NR2E1: variants seen among roughly 807,000 people sequenced by gnomAD.
NR2E1 encodes nuclear receptor subfamily 2 group E member 1, also known as nuclear receptor TLX.
NR2E1 carries 5 observed loss-of-function variants against 43.6 expected under a neutral mutation model. The ratio of observed to expected loss-of-function variants is 0.11; its 90% confidence interval spans 0.06 to 0.24. NR2E1 has a LOEUF of 0.24. Among genes scored for constraint, NR2E1 ranks in the 10% least tolerant of loss-of-function variants. The pLI, the probability that NR2E1 is intolerant of heterozygous loss-of-function variation, is 1.00. For synonymous variants in NR2E1, 191 were observed against 195.5 expected (o/e 0.98, Z 0.19); for missense variants, 287 against 496.7 (o/e 0.58, Z 4.01).
rs541723756 is a variant in NR2E1 at position 108,188,083 on chromosome 6, C to G, written c.*620C>G. The G allele has an allele frequency of 6.5e-5, 10 of 153,174 alleles. No individual in the cohort carries two copies. The highest frequency in any genetic ancestry group is 2.4e-4 in the African/African-American group (10 of 41,030). The allele number at this position is 153,174 out of a possible 1,614,324, so 9.5% of individuals were successfully genotyped here. On this transcript the variant is annotated 3_prime_UTR_variant, in exon 9 of 9. Transcript: ENST00000368986. ...TTCTTTTCTTTCTCTTTCTTTTGTTCTTTCTTCTTCTTTTTTAATACCATA... is the reference window on the plus strand; with the variant it reads ...TTCTTTTCTTTCTCTTTCTTTTGTTGTTTCTTCTTCTTTTTTAATACCATA...
intron 2 of NR2E1, among the ~76,000 whole-genome samples, chr6:108,174,477 C>T (rs1377532685): frequency 6.6e-6 from 1 of 152,100 alleles, no homozygotes; most frequent in East Asian, 1.9e-4. Context: ...GAAGTCTCGT[C>T]CCTGTTCCAC....
chr6:108,174,694 G>C (rs897095570), intron 2 of NR2E1, 142 bp from the exon 3 acceptor site: 4 of 688,152 alleles, frequency 5.8e-6, no homozygotes, highest in Non-Finnish European at 1.0e-5. Context: ...AGGCCCTCGC[G>C]TTTTGCAGGC....
At chr6:108,183,392 A>T (rs1774023122) in intron 8 of NR2E1, among the ~76,000 whole-genome samples, 1 of 152,340 alleles carries the variant, frequency 6.6e-6, no homozygotes, top group Admixed American at 6.5e-5. Context: ...TGCCATTTAA[A>T]AAAAAAGCCA....
chr6:108,185,521 C>T (rs1774063595), intron 8 of NR2E1, among the ~76,000 whole-genome samples: 1 of 152,054 alleles, frequency 6.6e-6, no homozygotes, highest in Admixed American at 6.6e-5. Context: ...AGCAATTCTC[C>T]CACCTCTGCC....
In NR2E1 at chr6:108,187,396, A is replaced by G; in HGVS notation, c.1091A>G (p.Lys364Arg). 2 of 1,614,226 alleles carry G rather than the reference A, an allele frequency of 1.2e-6. No individual in the cohort carries two copies. Among genetic ancestry groups the G allele is most frequent in the Non-Finnish European group, 1.7e-6 (2 of 1,180,040 alleles). Residue 364 changes from lysine to arginine, a missense_variant, in exon 9 of 9, where the codon AAA becomes AGA. Physicochemically the swap from Lys to Arg is conservative, Grantham distance 26 (BLOSUM62 2). Coordinates refer to ENST00000368986, the MANE Select transcript of NR2E1 (RefSeq NM_003269.5). ...TCAACTATAGAAGAAGTGTTTTTCA[A>G]AAAAACCATCGGCAATGTGCCAATT... ...SPSTIEEVFF[K>R]KTIGNVPITR...
chr6:108,179,491 C>CGTGTGT (rs1562405502), intron 5 of NR2E1, among the ~76,000 whole-genome samples: 2 of 74,902 alleles, frequency 2.7e-5, no homozygotes, highest in African/African-American at 1.4e-4. Context: ...CTAACCACTT[C>CGTGTGT]CTGTGTGTGT....
chr6:108,180,316 A>G lies in NR2E1; in HGVS notation c.643-7A>G. The G allele has an allele frequency of 6.4e-7, 1 of 1,562,056 alleles. No homozygotes were observed. The highest frequency in any genetic ancestry group is 8.8e-7 in the Non-Finnish European group (1 of 1,132,654). On this transcript the variant is annotated splice_polypyrimidine_tract_variant and splice_region_variant and intron_variant, in intron 5 of 8. Coordinates refer to ENST00000368986, the MANE Select transcript of NR2E1 (RefSeq NM_003269.5). This position sits in a 1 kb window ranked among gnomAD's most constrained non-coding sequence, Gnocchi z 5.4. Reference sequence around the variant, plus strand: ...CTATATTATATTATACATCTATTGTATGACAGCTGATGCTTTTGGAAGATG... The same window carrying G: ...CTATATTATATTATACATCTATTGTGTGACAGCTGATGCTTTTGGAAGATG...
At position 108,176,115 on chromosome 6, in the gene NR2E1, C is replaced by T. The variant is rs571372685; in HGVS notation, c.260-388C>T. ...GAAACGAGGTGTCTGGCGTGCGCGACGCTCCCTCTCTTTTGGATGGGGGCG... is the reference window on the plus strand; with the variant it reads ...GAAACGAGGTGTCTGGCGTGCGCGATGCTCCCTCTCTTTTGGATGGGGGCG... On this transcript the variant is annotated intron_variant, in intron 3 of 8. Transcript: ENST00000368986. The T allele has an allele frequency of 3.5e-4, 74 of 209,164 alleles. No individual in the cohort carries two copies. In the South Asian group the frequency reaches 7.9e-3, roughly 22 times the overall value. 13.0% of individuals were successfully genotyped at this position (209,164 alleles called of 1,614,324 possible). A position where few individuals can be genotyped will look rare whatever the true frequency, so the allele number is the denominator to read the frequency against.
At chr6:108,168,757 C>T (rs531229789) in intron 1 of NR2E1, 401 of 152,426 alleles carry the variant, frequency 2.6e-3, no homozygotes, top group Non-Finnish European at 5.0e-3. Context: ...CGCAGCGGGC[C>T]GGGTCAGGAC....
In NR2E1 at chr6:108,179,931, G is replaced by T. The variant is rs1364527213; in HGVS notation, c.643-392G>T. Among the ~76,000 whole-genome samples, 4 of 152,042 alleles carry T rather than the reference G, an allele frequency of 2.6e-5. No homozygotes were observed. In the South Asian group the frequency reaches 6.2e-4, roughly 24 times the overall value. On this transcript the variant is annotated intron_variant, in intron 5 of 8. Transcript: ENST00000368986. ...AAGATGGGGACCCAGCTCTGCAAGC[G>T]TCTGAGGAATCCTCAACCCTGCTAA...
chr6:108,179,003 T>C (rs541662044), intron 5 of NR2E1: 1 of 152,518 alleles, frequency 6.6e-6, no homozygotes, highest in East Asian at 1.9e-4. Context: ...CATTGGCTGT[T>C]ACCAGTGCAT....
At position 108,174,896 on chromosome 6, in the gene NR2E1, T is replaced by A; in HGVS notation, c.232T>A (p.Cys78Ser). The A allele has an allele frequency of 6.2e-7, 1 of 1,613,954 alleles. No homozygotes were observed. Among genetic ancestry groups the A allele is most frequent in the Non-Finnish European group, 8.5e-7 (1 of 1,179,936 alleles). ...NQCRACRLKK[C>S]LEVNMNKDAV... ...GTGCAGGGCGTGTCGGCTGAAGAAG[T>A]GTTTGGAAGTCAACATGAACAAAGA... The change falls in exon 3 of 9, where the codon TGT becomes AGT. Residue 78 changes from cysteine (C) to serine (S), a missense_variant. Cys to Ser is a moderately radical substitution (Grantham distance 112). Coordinates refer to ENST00000368986, the MANE Select transcript of NR2E1 (RefSeq NM_003269.5).
intron 2 of NR2E1, 112 bp downstream of exon 2, chr6:108,171,715 G>A: frequency 1.5e-6 from 2 of 1,367,606 alleles, no homozygotes; most frequent in Non-Finnish European, 2.1e-6. Flanking sequence ...ACCCGGCCCT[G>A]ACCTCTCCCT....
intron 1 of NR2E1, among the ~76,000 whole-genome samples, chr6:108,167,232 T>C (rs1309368309): frequency 6.6e-6 from 1 of 152,208 alleles, no homozygotes; most frequent in African/African-American, 2.4e-5. Context: ...ACCCCGTTTC[T>C]AGCTATTTCA....
In NR2E1 at chr6:108,187,445, C is replaced by A. The variant is rs1774093286; in HGVS notation, c.1140C>A (p.Tyr380Ter). 2 of 1,614,042 alleles carry A rather than the reference C, an allele frequency of 1.2e-6. No individual in the cohort carries two copies. The highest frequency in any genetic ancestry group is 1.7e-6 in the Non-Finnish European group (2 of 1,180,040). The part of the protein sequence containing the change: ...VPITRLLSDM[Y>*]KSSDI ...TTACAAGACTGCTTTCAGATATGTACAAATCCAGTGATATCTAAGCTCACA... is the reference window on the plus strand; with the variant it reads ...TTACAAGACTGCTTTCAGATATGTAAAAATCCAGTGATATCTAAGCTCACA... Residue 380 changes from tyrosine (Y) to a stop codon, truncating the protein, a stop_gained, in exon 9 of 9, where the codon TAC (tyrosine) becomes TAA (stop). Coordinates refer to ENST00000368986, the MANE Select transcript of NR2E1 (RefSeq NM_003269.5). LOFTEE classifies it high-confidence loss of function.
chr6:108,174,575 T>C (rs924995455), intron 2 of NR2E1, among the ~76,000 whole-genome samples: 3 of 152,016 alleles, frequency 2.0e-5, no homozygotes, highest in African/African-American at 7.2e-5. Context: ...TTCACCTGCT[T>C]GGAGAAGGAC....
intron 3 of NR2E1, 91 bp downstream of exon 3, chr6:108,175,014 C>A: frequency 8.3e-7 from 1 of 1,209,060 alleles, no homozygotes; most frequent in Non-Finnish European, 1.2e-6. Context: ...GCATGTAAAT[C>A]AACCCCGGAG....
At chr6:108,181,726 G>A in intron 8 of NR2E1, 75 bp downstream of exon 8, 1 of 1,081,488 alleles carries the variant, frequency 9.2e-7, no homozygotes. Context: ...GCGGTAATAA[G>A]CCAGTTCAAA....
chr6:108,170,962 G>A (rs1017871134), intron 1 of NR2E1, among the ~76,000 whole-genome samples: 2 of 152,154 alleles, frequency 1.3e-5, no homozygotes, highest in Admixed American at 6.5e-5. Context: ...ACACCGCCCG[G>A]CGGAGCTCAG....
Sources: allele counts gnomAD v4.1 joint callset (sites outside exome capture counted in the v4.1 genomes callset), GRCh38; gene constraint gnomAD v4.1.1; non-coding constraint Gnocchi (gnomAD v3.1); transcripts MANE v1.5; gene names NCBI Gene and HGNC (gene_info 2026-07-23, HGNC 2026-07-21).